The following CAMK1D variants were observed in gnomAD, a reference collection of about 807,000 sequenced individuals.
The protein encoded by CAMK1D is calcium/calmodulin dependent protein kinase ID.
Under a neutral mutation model 47.7 loss-of-function variants are expected in CAMK1D, and 9 were observed. The ratio of observed to expected loss-of-function variants is 0.19; its 90% CI spans 0.11 to 0.33. The LOEUF is 0.33. Among genes scored for constraint, CAMK1D ranks in the 10% least tolerant of loss-of-function variants. The pLI is 1.00. For synonymous variants in CAMK1D, 184 were observed against 184.9 expected, an observed-to-expected ratio of 0.99 and a Z score of 0.04; for missense variants, 291 against 488.7, an observed-to-expected ratio of 0.60 and a Z score of 3.81.
chr10:12,362,289 A>G (rs114610502), intron 1 of CAMK1D, among the ~76,000 whole-genome samples: 2,653 of 152,182 alleles, frequency 0.017, 80 homozygotes, highest in African/African-American at 0.06. Context: ...CCGTTCCACC[A>G]TCTGTCTCAG....
intron 2 of CAMK1D, among the ~76,000 whole-genome samples, chr10:12,647,608 G>A (rs1381239145): frequency 6.6e-6 from 1 of 152,104 alleles, no homozygotes; most frequent in Non-Finnish European, 1.5e-5. Context: ...CAGTTGGGCG[G>A]GAATTGTTCT....
chr10:12,350,512 G>C (rs192621024), intron 1 of CAMK1D, among the ~76,000 whole-genome samples: 26 of 152,318 alleles, frequency 1.7e-4, no homozygotes, highest in African/African-American at 6.0e-4. Context: ...GGGCTCGGCC[G>C]CACGCGCCGG....
chr10:12,618,101 A>T (rs1303827816), intron 2 of CAMK1D, among the ~76,000 whole-genome samples: 2 of 152,118 alleles, frequency 1.3e-5, no homozygotes, highest in African/African-American at 4.8e-5. Context: ...ACTTAATTAG[A>T]TCCAGTGGTT....
At chr10:12,486,191 C>T (rs1834209125) in intron 1 of CAMK1D, among the ~76,000 whole-genome samples, 1 of 149,060 alleles carries the variant, frequency 6.7e-6, no homozygotes, top group South Asian at 2.1e-4. Context: ...CAGAGTCTCG[C>T]TCTGTCACCC....
At chr10:12,693,154 A>G (rs1239932399) in intron 3 of CAMK1D, among the ~76,000 whole-genome samples, 1 of 152,122 alleles carries the variant, frequency 6.6e-6, no homozygotes, top group African/African-American at 2.4e-5. Context: ...ACTTGAGGTC[A>G]GGAGTTCAAG....
At chr10:12,571,475 A>G (rs898604530) in intron 2 of CAMK1D, among the ~76,000 whole-genome samples, 6 of 148,506 alleles carry the variant, frequency 4.0e-5, no homozygotes, top group African/African-American at 1.2e-4. Context: ...AAAAAAAGAA[A>G]AAAAAGAAAT....
In CAMK1D at chr10:12,757,745, C is replaced by G. The variant is rs559929217; in HGVS notation, c.300-3203C>G. On this transcript the variant is annotated intron_variant, in intron 3 of 10. Transcript: ENST00000619168. ...GGAAGATTATAGTGAGGGCTCCATT[C>G]CTGCCTTGGAGGCAGCTGCCTTCTC... is the stretch of plus-strand genomic sequence containing the variant. Among the ~76,000 whole-genome samples the G allele has an allele frequency of 2.0e-5, 3 of 152,212 alleles. No individual in the cohort carries two copies. The South Asian group carries it at 6.2e-4, about 32-fold the overall frequency.
At chr10:12,478,342 C>T (rs1397726735) in intron 1 of CAMK1D, among the ~76,000 whole-genome samples, 1 of 152,160 alleles carries the variant, frequency 6.6e-6, no homozygotes, top group Non-Finnish European at 1.5e-5. Context: ...CTCGCTCTGT[C>T]ACCCAGGCTA....
In CAMK1D at chr10:12,829,030, C is replaced by A; in HGVS notation, c.*143C>A. 1.7e-6 allele frequency: 1 copy of A among 597,174 alleles called. No homozygotes were observed. Among genetic ancestry groups the A allele is most frequent in the Non-Finnish European group, 2.9e-6 (1 of 342,440 alleles). 37.0% of individuals were successfully genotyped at this position (597,174 alleles called of 1,614,324 possible). ...CTGGAAGACCGAAGTTTTTTTATGG[C>A]CATATTTTCTACTGCAATTCTGAAG... On this transcript the variant is annotated 3_prime_UTR_variant, in exon 11 of 11. Coordinates refer to ENST00000619168, the MANE Select transcript of CAMK1D (RefSeq NM_153498.4).
At chr10:12,436,204 TC>T (rs1424401132) in intron 1 of CAMK1D, among the ~76,000 whole-genome samples, 3 of 152,170 alleles carry the variant, frequency 2.0e-5, no homozygotes, top group African/African-American at 7.2e-5. Flanking sequence ...GTCTTCCTCT[TC>T]CACGTACAGG....
chr10:12,744,329 A>G (rs1003852349), intron 3 of CAMK1D, among the ~76,000 whole-genome samples: 1 of 145,634 alleles, frequency 6.9e-6, no homozygotes, highest in Non-Finnish European at 1.5e-5. Flanking sequence ...CAGATCTCAC[A>G]GGTATATACC....
At position 12,829,089 on chromosome 10, in the gene CAMK1D, G is replaced by A; in HGVS notation, c.*202G>A. 1 of 526,888 alleles carries A rather than the reference G, an allele frequency of 1.9e-6. No individual in the cohort carries two copies. Among genetic ancestry groups the A allele is most frequent in the Non-Finnish European group, 3.3e-6 (1 of 298,700 alleles). 32.6% of individuals were successfully genotyped at this position (526,888 alleles called of 1,614,324 possible). A position where few individuals can be genotyped will look rare whatever the true frequency, so the allele number is the denominator to read the frequency against. On this transcript the variant is annotated 3_prime_UTR_variant, in exon 11 of 11. Coordinates refer to ENST00000619168, the MANE Select transcript of CAMK1D (RefSeq NM_153498.4). ...TCTCACAAACTGTACTGACTCGAGG[G>A]GCGCTGATTTCATAGGATCTGGTGC...
At chr10:12,414,228 A>T (rs369589043) in intron 1 of CAMK1D, among the ~76,000 whole-genome samples, 32 of 152,346 alleles carry the variant, frequency 2.1e-4, no homozygotes, top group East Asian at 1.3e-3. Context: ...GCATGCGTTT[A>T]TTAGTTTTGC....
At chr10:12,509,834 A>G (rs1442314057) in intron 1 of CAMK1D, among the ~76,000 whole-genome samples, 2 of 152,176 alleles carry the variant, frequency 1.3e-5, no homozygotes, top group Non-Finnish European at 1.5e-5. Flanking sequence ...CATGGTAGCA[A>G]TTTCTCAGTT....
intron 5 of CAMK1D, among the ~76,000 whole-genome samples, chr10:12,784,586 A>G (rs1313437026): frequency 6.6e-6 from 1 of 152,200 alleles, no homozygotes; most frequent in Non-Finnish European, 1.5e-5. Context: ...TTTCTCCTCA[A>G]AGTTCCTGTC....
At chr10:12,668,739 G>A (rs1044318978) in intron 3 of CAMK1D, among the ~76,000 whole-genome samples, 4 of 152,032 alleles carry the variant, frequency 2.6e-5, no homozygotes, top group Admixed American at 1.3e-4. Context: ...TAAGCAACTT[G>A]GGGTTGTATA....
chr10:12,732,352 CAGTG>C (rs1834924704), intron 3 of CAMK1D, among the ~76,000 whole-genome samples: 1 of 152,110 alleles, frequency 6.6e-6, no homozygotes, highest in Non-Finnish European at 1.5e-5. Flanking sequence ...GACAGTATGA[CAGTG>C]AGTGAGGAGC....
chr10:12,509,088 G>C (rs922929555), intron 1 of CAMK1D, among the ~76,000 whole-genome samples: 2 of 152,208 alleles, frequency 1.3e-5, no homozygotes, highest in Non-Finnish European at 1.5e-5. Flanking sequence ...ATTTTGTCTT[G>C]TGCAGAGAGA....
At chr10:12,662,467 G>A (rs933161874) in intron 2 of CAMK1D, among the ~76,000 whole-genome samples, 1 of 152,020 alleles carries the variant, frequency 6.6e-6, no homozygotes, top group Non-Finnish European at 1.5e-5. Flanking sequence ...CCTGACTAAC[G>A]CGGTGAAACC....
Sources: gnomAD v4.1 joint callset for allele counts (sites outside exome capture counted in the v4.1 genomes callset) on GRCh38, gnomAD v4.1.1 for gene constraint, MANE v1.5 for transcripts, NCBI Gene and HGNC (gene_info 2026-07-23, HGNC 2026-07-21) for gene names.